Variants in PCDH15 observed in about 807,000 individuals in gnomAD.
PCDH15 encodes protocadherin-15.
In PCDH15, 129 loss-of-function variants were observed where a neutral mutation model predicts 178.5. That is an observed-to-expected ratio of 0.72 (90% CI 0.63 to 0.84). PCDH15 has a LOEUF of 0.84. Ranked by LOEUF, PCDH15 falls within the 40% of genes least tolerant of loss-of-function variation. The probability of loss-of-function intolerance (pLI) is 0.00; values close to 1 mark genes in which losing one functional copy is unlikely to be tolerated. For missense variants in PCDH15, 2,230 were observed against 2,099.9 expected (o/e 1.06, Z -1.21); for synonymous variants, 800 against 732.0 (o/e 1.09, Z -1.50).
intron 1 of PCDH15, among the ~76,000 whole-genome samples, chr10:54,674,760 CTG>C (rs547782817): frequency 3.9e-5 from 6 of 152,032 alleles, no homozygotes; most frequent in Non-Finnish European, 8.8e-5. Context: ...TTCTAGGAAA[CTG>C]TAACTTTTAT....
chr10:55,059,993 A>AAG, intron 2 of PCDH15, among the ~76,000 whole-genome samples: 1 of 152,158 alleles, frequency 6.6e-6, no homozygotes, highest in South Asian at 2.1e-4. Flanking sequence ...AAATTAAAAA[A>AAG]AAAAATTAGT....
chr10:54,788,176 C>G (rs578154802), intron 1 of PCDH15, among the ~76,000 whole-genome samples: 4 of 151,698 alleles, frequency 2.6e-5, no homozygotes, highest in Non-Finnish European at 5.9e-5. Context: ...ATTTGAAATA[C>G]GAGCAGAAAC....
intron 2 of PCDH15, among the ~76,000 whole-genome samples, chr10:55,035,199 A>C (rs1265862966): frequency 6.6e-6 from 1 of 151,604 alleles, no homozygotes; most frequent in East Asian, 1.9e-4. Context: ...CAAAATGAAG[A>C]GTAAACATTA....
intron 8 of PCDH15, among the ~76,000 whole-genome samples, chr10:54,304,052 T>C (rs1459088884): frequency 6.6e-6 from 1 of 152,120 alleles, no homozygotes; most frequent in Non-Finnish European, 1.5e-5. Flanking sequence ...TTTTTGGATG[T>C]TTATTACAAC....
chr10:54,115,037 G>A (rs1402253511), intron 15 of PCDH15, among the ~76,000 whole-genome samples: 1 of 152,174 alleles, frequency 6.6e-6, no homozygotes, highest in Admixed American at 6.6e-5. Flanking sequence ...GCAGGGCGGT[G>A]GGCTGGAGCA....
intron 2 of PCDH15, among the ~76,000 whole-genome samples, chr10:55,463,985 A>AAG (rs1321404306): frequency 8.4e-5 from 3 of 35,816 alleles, no homozygotes; most frequent in African/African-American, 2.5e-4. Context: ...GAAAGAAAGA[A>AAG]AGAAAGAGAA....
chr10:54,047,253 G>A (rs1832484388), intron 18 of PCDH15, among the ~76,000 whole-genome samples: 1 of 151,942 alleles, frequency 6.6e-6, no homozygotes, highest in Admixed American at 6.6e-5. Context: ...TTTTACGCCT[G>A]GGAAATGCCT....
chr10:54,682,479 T>C (rs972800762), intron 1 of PCDH15, among the ~76,000 whole-genome samples: 1 of 152,182 alleles, frequency 6.6e-6, no homozygotes, highest in African/African-American at 2.4e-5. Context: ...AAATTGGTCA[T>C]TTATATAATG....
chr10:55,477,214 T>A (rs905355759), intron 2 of PCDH15, among the ~76,000 whole-genome samples: 6 of 151,704 alleles, frequency 4.0e-5, no homozygotes, highest in Admixed American at 3.3e-4. Context: ...TCCTCCTAGA[T>A]AGGAGAAAAG....
chr10:54,247,401 A>G (rs2056055637), intron 8 of PCDH15, among the ~76,000 whole-genome samples: 1 of 152,056 alleles, frequency 6.6e-6, no homozygotes. Context: ...AACTTTGAAT[A>G]AAGTGTTTCT....
chr10:55,593,476 C>T (rs772691272), intron 2 of PCDH15, among the ~76,000 whole-genome samples: 6 of 151,690 alleles, frequency 4.0e-5, no homozygotes, highest in East Asian at 1.9e-4. Flanking sequence ...AAGATAAAGA[C>T]GAATTACACT....
At chr10:54,611,016 T>C (rs930037613) in intron 2 of PCDH15, among the ~76,000 whole-genome samples, 1 of 151,858 alleles carries the variant, frequency 6.6e-6, no homozygotes, top group African/African-American at 2.4e-5. Context: ...TCTTTGCAAA[T>C]ATTTCATTAA....
At chr10:54,812,139 C>A (rs1952872910) in intron 3 of PCDH15, among the ~76,000 whole-genome samples, 1 of 151,972 alleles carries the variant, frequency 6.6e-6, no homozygotes, top group Non-Finnish European at 1.5e-5. Context: ...ATAAAACAAT[C>A]CCAAGTATCA....
At chr10:54,164,366 T>C (rs2046001274) in intron 13 of PCDH15, among the ~76,000 whole-genome samples, 2 of 152,172 alleles carry the variant, frequency 1.3e-5, no homozygotes, top group African/African-American at 4.8e-5. Context: ...AAAAATAAAA[T>C]CTGAGTGCAT....
chr10:54,729,082 C>T (rs4626984), intron 1 of PCDH15, among the ~76,000 whole-genome samples: 18,462 of 151,174 alleles, frequency 0.12, 1,249 homozygotes, highest in African/African-American at 0.17. Flanking sequence ...TCAAAATTTA[C>T]ATGAAACCAA....
chr10:53,857,293 A>T (rs2078817124), intron 27 of PCDH15, 30 bp from the exon 28 acceptor site: 5 of 1,534,650 alleles, frequency 3.3e-6, no homozygotes, highest in Non-Finnish European at 4.5e-6. Context: ...AATTCATTTA[A>T]TTTTTACTCA....
intron 1 of PCDH15, among the ~76,000 whole-genome samples, chr10:55,211,546 A>G (rs1364949245): frequency 6.6e-6 from 1 of 152,128 alleles, no homozygotes; most frequent in East Asian, 1.9e-4. Context: ...AATACTGATT[A>G]CTTTTCCTCT....
At chr10:54,934,390 A>C (rs928292465) in intron 2 of PCDH15, among the ~76,000 whole-genome samples, 3 of 152,124 alleles carry the variant, frequency 2.0e-5, no homozygotes, top group African/African-American at 7.2e-5. Flanking sequence ...AAAATACTAA[A>C]AATTTTTTTT....
At chr10:54,129,114 A>C (rs1387511124) in intron 15 of PCDH15, among the ~76,000 whole-genome samples, 2 of 152,166 alleles carry the variant, frequency 1.3e-5, no homozygotes, top group Non-Finnish European at 2.9e-5. Flanking sequence ...TTTCCCGATA[A>C]TAATGATAAT....
Sources: gnomAD v4.1 joint callset for allele counts (sites outside exome capture counted in the v4.1 genomes callset) on GRCh38, gnomAD v4.1.1 for gene constraint, MANE v1.5 for transcripts, NCBI Gene and HGNC (gene_info 2026-07-23, HGNC 2026-07-21) for gene names.